GPC5: variants seen among roughly 807,000 people sequenced by gnomAD.
GPC5 encodes glypican 5.
A neutral mutation model predicts 53.9 loss-of-function variants in GPC5; 47 were observed. The ratio of observed to expected loss-of-function variants is 0.87; its 90% confidence interval spans 0.69 to 1.11. The LOEUF (loss-of-function observed/expected upper bound fraction) is 1.11, where lower values mean the gene tolerates loss of function less well. Ranked by LOEUF, GPC5 falls within the 50% of genes most tolerant of loss-of-function variation. GPC5 has a pLI of 0.00. For missense variants in GPC5, 748 were observed against 713.1 expected (o/e 1.05, Z -0.56); for synonymous variants, 286 against 263.3 (o/e 1.09, Z -0.84).
chr13:92,086,993 C>T (rs2041341202), intron 6 of GPC5, among the ~76,000 whole-genome samples: 1 of 152,234 alleles, frequency 6.6e-6, no homozygotes, highest in Admixed American at 6.5e-5. Flanking sequence ...AAGTGCTTTA[C>T]AACAGGGAAT....
At chr13:91,795,223 G>A (rs567851880) in intron 5 of GPC5, among the ~76,000 whole-genome samples, 1 of 152,262 alleles carries the variant, frequency 6.6e-6, no homozygotes, top group African/African-American at 2.4e-5. Context: ...GATACATCTT[G>A]AAATTTAGGG....
intron 7 of GPC5, among the ~76,000 whole-genome samples, chr13:92,410,550 G>T (rs937172120): frequency 2.0e-5 from 3 of 152,210 alleles, no homozygotes; most frequent in East Asian, 3.9e-4. Flanking sequence ...TCATCTTAAT[G>T]CCTTTTTCCA....
intron 2 of GPC5, among the ~76,000 whole-genome samples, chr13:91,569,813 A>T (rs1450064592): frequency 6.6e-5 from 10 of 152,098 alleles, no homozygotes; most frequent in Non-Finnish European, 1.5e-4. Flanking sequence ...CTATGTGAGG[A>T]CACCTTGACA....
chr13:92,774,776 G>A (rs1875738812), intron 7 of GPC5, among the ~76,000 whole-genome samples: 1 of 151,956 alleles, frequency 6.6e-6, no homozygotes, highest in African/African-American at 2.4e-5. Context: ...TCTTCCTAAG[G>A]CAACAGATTT....
chr13:91,825,873 G>A (rs1311172430), intron 5 of GPC5, among the ~76,000 whole-genome samples: 2 of 152,036 alleles, frequency 1.3e-5, no homozygotes, highest in African/African-American at 4.8e-5. Context: ...TATCTGAACT[G>A]TTCCCAAATC....
intron 7 of GPC5, among the ~76,000 whole-genome samples, chr13:92,426,988 C>T (rs965872268): frequency 2.0e-5 from 3 of 151,920 alleles, no homozygotes; most frequent in African/African-American, 7.2e-5. Flanking sequence ...CGAATCTGTT[C>T]TTCTGACCAT....
At chr13:92,151,415 T>C (rs1375505484) in intron 7 of GPC5, among the ~76,000 whole-genome samples, 2 of 152,146 alleles carry the variant, frequency 1.3e-5, no homozygotes, top group African/African-American at 4.8e-5. Context: ...TTACAGTCTT[T>C]ATTTGTATCT....
intron 5 of GPC5, among the ~76,000 whole-genome samples, chr13:91,887,006 G>A (rs1219286643): frequency 6.6e-6 from 1 of 152,106 alleles, no homozygotes; most frequent in Non-Finnish European, 1.5e-5. Flanking sequence ...TTCTGTGTGG[G>A]GGACAGAGCC....
intron 6 of GPC5, among the ~76,000 whole-genome samples, chr13:92,048,043 C>G (rs1466454703): frequency 6.6e-6 from 1 of 151,622 alleles, no homozygotes; most frequent in African/African-American, 2.4e-5. Flanking sequence ...AATAGTTCAA[C>G]TTATATTCTA....
chr13:91,555,877 GA>G (rs1374140367), intron 2 of GPC5, among the ~76,000 whole-genome samples: 2 of 151,986 alleles, frequency 1.3e-5, no homozygotes, highest in Non-Finnish European at 2.9e-5. Context: ...CAGTATGGGG[GA>G]AACCGCCCCC....
At chr13:92,557,295 G>T (rs1428163656) in intron 7 of GPC5, among the ~76,000 whole-genome samples, 3 of 151,940 alleles carry the variant, frequency 2.0e-5, no homozygotes, top group Non-Finnish European at 4.4e-5. Flanking sequence ...TTACCATGTT[G>T]ATGTGGTTAA....
At chr13:92,423,004 A>T (rs553534727) in intron 7 of GPC5, among the ~76,000 whole-genome samples, 2 of 152,360 alleles carry the variant, frequency 1.3e-5, no homozygotes, top group African/African-American at 4.8e-5. Flanking sequence ...TATTTCTCGC[A>T]GTTCTGAAGG....
intron 7 of GPC5, among the ~76,000 whole-genome samples, chr13:92,809,934 C>T (rs1877232257): frequency 1.3e-5 from 2 of 151,998 alleles, no homozygotes; most frequent in South Asian, 4.1e-4. Context: ...TAGAGTCTAG[C>T]ACTGATAGAA....
chr13:91,454,204 T>C (rs1881382645), intron 2 of GPC5, among the ~76,000 whole-genome samples: 1 of 152,098 alleles, frequency 6.6e-6, no homozygotes. Context: ...AACCAAGCAA[T>C]TTTCCTGTTC....
chr13:92,559,861 C>T (rs1223477183), intron 7 of GPC5, among the ~76,000 whole-genome samples: 5 of 151,172 alleles, frequency 3.3e-5, no homozygotes, highest in Admixed American at 6.6e-5. Flanking sequence ...CTCTCCACCG[C>T]CTCCTCATAT....
chr13:91,915,854 T>C (rs2139009079), intron 6 of GPC5, among the ~76,000 whole-genome samples: 1 of 152,302 alleles, frequency 6.6e-6, no homozygotes, highest in South Asian at 2.1e-4. Flanking sequence ...TGTTCAGCAT[T>C]TTAATTTAAA....
intron 6 of GPC5, among the ~76,000 whole-genome samples, chr13:91,926,871 A>T (rs1172358677): frequency 6.6e-6 from 1 of 152,080 alleles, no homozygotes; most frequent in African/African-American, 2.4e-5. Context: ...TACTATTTGA[A>T]CTCTTTCTCC....
At chr13:91,443,885 G>A (rs573596799) in intron 1 of GPC5, among the ~76,000 whole-genome samples, 2 of 152,242 alleles carry the variant, frequency 1.3e-5, no homozygotes, top group African/African-American at 4.8e-5. Flanking sequence ...CCACACTAAA[G>A]ATCCGGATTT....
intron 7 of GPC5, among the ~76,000 whole-genome samples, chr13:92,186,463 G>A (rs2042184438): frequency 1.3e-5 from 2 of 151,714 alleles, no homozygotes; most frequent in Admixed American, 6.6e-5. Context: ...TGGCCAGAAT[G>A]TACATTATAT....
Sources: allele counts gnomAD v4.1 joint callset (sites outside exome capture counted in the v4.1 genomes callset), GRCh38; gene constraint gnomAD v4.1.1; transcripts MANE v1.5; gene names NCBI Gene and HGNC (gene_info 2026-07-23, HGNC 2026-07-21).